Variants in ATF7IP2 observed in about 807,000 individuals in gnomAD.
ATF7IP2 encodes activating transcription factor 7 interacting protein 2.
ATF7IP2 carries 42 observed loss-of-function variants against 64.2 expected under a neutral mutation model. The ratio of observed to expected loss-of-function variants is 0.65; its 90% CI spans 0.51 to 0.85. ATF7IP2 has a LOEUF of 0.85. Ranked by LOEUF, ATF7IP2 falls within the 40% of genes least tolerant of loss-of-function variation. ATF7IP2 has a pLI of 0.00. For synonymous variants in ATF7IP2, 308 were observed against 272.8 expected, an observed-to-expected ratio of 1.13 and a Z score of -1.27; for missense variants, 933 against 784.2, an observed-to-expected ratio of 1.19 and a Z score of -2.27.
chr16:10,458,004 G>A (rs111780515), intron 9 of ATF7IP2, among the ~76,000 whole-genome samples: 7 of 152,206 alleles, frequency 4.6e-5, no homozygotes, highest in Admixed American at 2.0e-4. Flanking sequence ...GAGCCACTGC[G>A]CCTGGCCCTA....
intron 10 of ATF7IP2, among the ~76,000 whole-genome samples, chr16:10,472,420 T>A (rs1596618758): frequency 6.6e-6 from 1 of 152,242 alleles, no homozygotes; most frequent in East Asian, 1.9e-4. Flanking sequence ...TTCTTTTATG[T>A]GTTTAATGAC....
At chr16:10,459,236 A>T (rs1346329645) in intron 9 of ATF7IP2, among the ~76,000 whole-genome samples, 1 of 152,166 alleles carries the variant, frequency 6.6e-6, no homozygotes, top group Non-Finnish European at 1.5e-5. Context: ...TCGGAGGCCT[A>T]GGTGGGTGGA....
At chr16:10,426,877 G>A (rs1490729350) in intron 3 of ATF7IP2, among the ~76,000 whole-genome samples, 2 of 151,870 alleles carry the variant, frequency 1.3e-5, no homozygotes, top group Non-Finnish European at 1.5e-5. Flanking sequence ...TTTTAAGACA[G>A]TGTCCCACTC....
intron 1 of ATF7IP2, among the ~76,000 whole-genome samples, chr16:10,404,356 G>T (rs1321479885): frequency 6.6e-6 from 1 of 152,154 alleles, no homozygotes. Flanking sequence ...AGGTTCAAGC[G>T]ATTCTCCTGC....
intron 12 of ATF7IP2, among the ~76,000 whole-genome samples, chr16:10,479,353 G>C (rs561795360): frequency 6.6e-6 from 1 of 152,038 alleles, no homozygotes; most frequent in African/African-American, 2.4e-5. Context: ...CCGTTGTAGG[G>C]ACATGGATGA....
intron 1 of ATF7IP2, among the ~76,000 whole-genome samples, chr16:10,398,385 C>T (rs1331505308): frequency 2.6e-5 from 4 of 151,822 alleles, no homozygotes; most frequent in African/African-American, 9.7e-5. Flanking sequence ...TTCATGGAAA[C>T]ATGAATTAGT....
At chr16:10,433,381 C>A (rs1048328939) in intron 5 of ATF7IP2, 144 bp from the exon 6 acceptor site, 12 of 627,714 alleles carry the variant, frequency 1.9e-5, no homozygotes, top group Non-Finnish European at 3.0e-5. Flanking sequence ...CACTATGTTG[C>A]CCAGGCTGGT....
At chr16:10,415,268 A>G (rs1041885188) in intron 2 of ATF7IP2, among the ~76,000 whole-genome samples, 1 of 152,244 alleles carries the variant, frequency 6.6e-6, no homozygotes, top group Non-Finnish European at 1.5e-5. Context: ...TGGTACTAGC[A>G]TAAAAACAGA....
chr16:10,394,584 T>C (rs1413765484), intron 1 of ATF7IP2, among the ~76,000 whole-genome samples: 1 of 152,186 alleles, frequency 6.6e-6, no homozygotes, highest in Non-Finnish European at 1.5e-5. Flanking sequence ...TTTTGGAGTG[T>C]ATGTAGAACA....
chr16:10,475,069 T>G (rs1267715008), intron 12 of ATF7IP2, among the ~76,000 whole-genome samples: 1 of 152,122 alleles, frequency 6.6e-6, no homozygotes, highest in Admixed American at 6.5e-5. Flanking sequence ...TCAACAAAAT[T>G]TGTTGCCAGC....
intron 1 of ATF7IP2, among the ~76,000 whole-genome samples, chr16:10,391,600 C>T (rs2047325445): frequency 6.6e-6 from 1 of 152,026 alleles, no homozygotes; most frequent in Non-Finnish European, 1.5e-5. Context: ...AAGCACATCA[C>T]TAATATCAAG....
At chr16:10,464,414 G>A (rs1307863414) in intron 9 of ATF7IP2, among the ~76,000 whole-genome samples, 2 of 152,134 alleles carry the variant, frequency 1.3e-5, no homozygotes, top group South Asian at 2.1e-4. Context: ...TGTTGTCCGT[G>A]TCTATAGTAT....
At chr16:10,461,343 T>C (rs929613064) in intron 9 of ATF7IP2, among the ~76,000 whole-genome samples, 2 of 152,156 alleles carry the variant, frequency 1.3e-5, no homozygotes, top group Non-Finnish European at 1.5e-5. Flanking sequence ...GCTCTTGATA[T>C]ATCCTAGTTA....
chr16:10,459,139 G>C lies in ATF7IP2; in HGVS notation c.1352+1610G>C, dbSNP rs573444435. Among the ~76,000 whole-genome samples, 99 of 151,868 alleles carry C rather than the reference G, an allele frequency of 6.5e-4. 1 individual carries two copies. Among genetic ancestry groups the C allele is most frequent in the African/African-American group, 2.0e-3 (84 of 41,420 alleles). On this transcript the variant is annotated intron_variant, in intron 9 of 13. Coordinates refer to ENST00000562102, the MANE Select transcript of ATF7IP2 (RefSeq NM_001393719.1). The stretch of plus-strand genomic sequence containing the variant: ...ACCTGAGGTCGGGAGTTCGAGACTA[G>C]CCTGACCAACATGGAGAAACCCTGT...
At chr16:10,399,887 TAGG>T (rs765882640) in intron 1 of ATF7IP2, among the ~76,000 whole-genome samples, 19 of 152,212 alleles carry the variant, frequency 1.2e-4, no homozygotes, top group Admixed American at 2.0e-4. Flanking sequence ...TTTTCTTGTA[TAGG>T]AGGTCTTTGA....
chr16:10,477,935 C>G (rs1461328904), intron 12 of ATF7IP2, among the ~76,000 whole-genome samples: 1 of 140,722 alleles, frequency 7.1e-6, no homozygotes, highest in Non-Finnish European at 1.6e-5. Context: ...ACCTAGGAAT[C>G]CAACTTACAA....
intron 7 of ATF7IP2, among the ~76,000 whole-genome samples, chr16:10,439,015 T>C (rs1281762396): frequency 7.7e-6 from 1 of 129,518 alleles, no homozygotes; most frequent in African/African-American, 3.0e-5. Context: ...ATTGCACCAC[T>C]GCACTCCAGT....
At chr16:10,407,198 A>G (rs74009330) in intron 1 of ATF7IP2, among the ~76,000 whole-genome samples, 6,447 of 152,264 alleles carry the variant, frequency 0.042, 487 homozygotes, top group African/African-American at 0.15. Context: ...AAAACCCTCA[A>G]GAAACTGGGT....
At chr16:10,431,974 C>G (rs933308462) in intron 5 of ATF7IP2, among the ~76,000 whole-genome samples, 1 of 150,100 alleles carries the variant, frequency 6.7e-6, no homozygotes, top group African/African-American at 2.5e-5. Context: ...CAGATGGGCA[C>G]CACTACGCCC....
Sources: gnomAD v4.1 joint callset for allele counts (sites outside exome capture counted in the v4.1 genomes callset) on GRCh38, gnomAD v4.1.1 for gene constraint, MANE v1.5 for transcripts, NCBI Gene and HGNC (gene_info 2026-07-23, HGNC 2026-07-21) for gene names.